Variants in DIS3L2 observed in about 807,000 individuals in gnomAD.
The protein encoded by DIS3L2 is DIS3-like exonuclease 2.
A neutral mutation model predicts 97.5 loss-of-function variants in DIS3L2; 34 were observed. The observed-to-expected ratio is 0.35, with a 90% CI of 0.27 to 0.46. The LOEUF is 0.46. Among genes scored for constraint, DIS3L2 ranks in the 20% least tolerant of loss-of-function variants. DIS3L2 has a pLI of 1.00. For missense variants in DIS3L2, 1,038 were observed against 1,146.0 expected (o/e 0.91, Z 1.36); for synonymous variants, 435 against 445.2 (o/e 0.98, Z 0.29).
rs577103610 is a variant in DIS3L2 at position 232,342,813 on chromosome 2, G to T, written c.1582-532G>T. ...GGGCTGGGGCCCCTGGGAGCCCAGG[G>T]TGAGGGGCCAGTCCCTGGGCAGCTC... On this transcript the variant is annotated intron_variant, in intron 13 of 13. Coordinates refer to the DIS3L2 transcript ENST00000273009. Among the ~76,000 whole-genome samples the T allele has an allele frequency of 2.0e-5, 3 of 152,340 alleles. No homozygotes were observed. The South Asian group carries it at 6.2e-4, about 32-fold the overall frequency.
chr2:232,085,579 A>G (rs1232848747), intron 5 of DIS3L2, among the ~76,000 whole-genome samples: 3 of 152,242 alleles, frequency 2.0e-5, no homozygotes, highest in African/African-American at 7.2e-5. Flanking sequence ...TTTATCATAT[A>G]GAAATAGATT....
At chr2:232,064,862 G>A (rs1169983473) in intron 5 of DIS3L2, among the ~76,000 whole-genome samples, 1 of 152,156 alleles carries the variant, frequency 6.6e-6, no homozygotes, top group African/African-American at 2.4e-5. Flanking sequence ...GTCTGTGTAA[G>A]TCTTTTATAC....
chr2:232,064,305 A>G (rs185273134), intron 5 of DIS3L2, among the ~76,000 whole-genome samples: 2 of 152,278 alleles, frequency 1.3e-5, no homozygotes, highest in East Asian at 1.9e-4. Context: ...CCAGAATGTC[A>G]TATAAATGGA....
At chr2:232,260,810 G>T (rs1460593300) in intron 12 of DIS3L2, 1 of 152,210 alleles carries the variant, frequency 6.6e-6, no homozygotes, top group Non-Finnish European at 1.5e-5. Context: ...GGCAGAAGCT[G>T]TATTCCCTGG....
At chr2:232,308,492 C>T (rs1695041307) in intron 14 of DIS3L2, among the ~76,000 whole-genome samples, 1 of 152,236 alleles carries the variant, frequency 6.6e-6, no homozygotes, top group African/African-American at 2.4e-5. Context: ...CTACTGGACT[C>T]ATTTTGGGAC....
At chr2:232,286,937 G>A (rs1357724585) in intron 13 of DIS3L2, among the ~76,000 whole-genome samples, 5 of 151,926 alleles carry the variant, frequency 3.3e-5, no homozygotes, top group African/African-American at 9.7e-5. Flanking sequence ...GAGCCACCGC[G>A]CCTGGCCTGT....
intron 13 of DIS3L2, among the ~76,000 whole-genome samples, chr2:232,297,103 G>A (rs1694742953): frequency 6.6e-6 from 1 of 152,104 alleles, no homozygotes; most frequent in African/African-American, 2.4e-5. Flanking sequence ...TGTCTCCAAC[G>A]CCACTGCACC....
At chr2:232,147,960 TCCTCCCCTCC>T (rs1213163659) in intron 8 of DIS3L2, among the ~76,000 whole-genome samples, 106 of 68,110 alleles carry the variant, frequency 1.6e-3, no homozygotes, top group Non-Finnish European at 2.6e-3. Flanking sequence ...CCCCTCCCTT[TCCTCCCCTCC>T]CCTCCCCTCC....
intron 9 of DIS3L2, among the ~76,000 whole-genome samples, chr2:232,174,414 C>G (rs182911258): frequency 6.6e-6 from 1 of 151,572 alleles, no homozygotes; most frequent in Non-Finnish European, 1.5e-5. Flanking sequence ...AGTGAAACCC[C>G]GTCTCTATTA....
chr2:232,184,783 T>G (rs1176904094), intron 9 of DIS3L2, among the ~76,000 whole-genome samples: 1 of 152,236 alleles, frequency 6.6e-6, no homozygotes, highest in African/African-American at 2.4e-5. Flanking sequence ...TCAACTCTGT[T>G]GATAATAGGA....
intron 9 of DIS3L2, among the ~76,000 whole-genome samples, chr2:232,183,927 T>G (rs779774512): frequency 1.3e-5 from 2 of 152,188 alleles, no homozygotes; most frequent in Non-Finnish European, 2.9e-5. Context: ...CTCCAGTGAC[T>G]GCTAGGCCAC....
Position 232,280,220 on chromosome 2 carries a change from T to G in DIS3L2, c.1659+16780T>G, listed in dbSNP as rs74329843. Among the ~76,000 whole-genome samples the G allele has an allele frequency of 3.1e-3, 468 of 152,326 alleles. 1 individual carries two copies. Among genetic ancestry groups the G allele is most frequent in the African/African-American group, 0.011 (442 of 41,568 alleles). On this transcript the variant is annotated intron_variant, in intron 13 of 20. Coordinates refer to ENST00000325385, the MANE Select transcript of DIS3L2 (RefSeq NM_152383.5). ...AGAAGATTTGGGATGGAGTTGGTCC[T>G]AGGAGCCTTGCCAGGCATGATGCTC...
intron 9 of DIS3L2, among the ~76,000 whole-genome samples, chr2:232,203,166 A>C (rs1691942923): frequency 1.3e-5 from 2 of 152,172 alleles, no homozygotes; most frequent in African/African-American, 4.8e-5. Flanking sequence ...GTTGGACTGA[A>C]AGTTTTATTC....
chr2:232,001,033 T>C (rs2106203300), intron 1 of DIS3L2, among the ~76,000 whole-genome samples: 1 of 152,296 alleles, frequency 6.6e-6, no homozygotes, highest in East Asian at 1.9e-4. Flanking sequence ...CAAATGTCTT[T>C]TTGATGTACT....
At chr2:232,081,214 A>C (rs1390302377) in intron 5 of DIS3L2, among the ~76,000 whole-genome samples, 3 of 152,152 alleles carry the variant, frequency 2.0e-5, no homozygotes, top group Non-Finnish European at 2.9e-5. Flanking sequence ...GTGAATCAGG[A>C]AGCACTTTGG....
chr2:232,005,666 A>G (rs1179168284), intron 1 of DIS3L2, among the ~76,000 whole-genome samples: 2 of 152,186 alleles, frequency 1.3e-5, no homozygotes, highest in African/African-American at 2.4e-5. Context: ...TTTACCCTGC[A>G]GAATCTATAG....
intron 16 of DIS3L2, among the ~76,000 whole-genome samples, chr2:232,333,456 G>A (rs769082907): frequency 3.3e-5 from 5 of 152,166 alleles, no homozygotes; most frequent in Non-Finnish European, 7.4e-5. Context: ...GCAGGGACTG[G>A]ACTTCGGAGG....
At chr2:232,047,038 G>T (rs558054778) in intron 5 of DIS3L2, among the ~76,000 whole-genome samples, 1 of 152,036 alleles carries the variant, frequency 6.6e-6, no homozygotes, top group Admixed American at 6.5e-5. Context: ...TTCTGGAAGG[G>T]GATTACCTGT....
intron 11 of DIS3L2, among the ~76,000 whole-genome samples, chr2:232,248,232 C>T (rs1381063764): frequency 1.3e-5 from 2 of 152,186 alleles, no homozygotes; most frequent in African/African-American, 4.8e-5. Context: ...ACAGCATGGC[C>T]ACCCTTTGCC....
Sources: gnomAD v4.1 joint callset for allele counts (sites outside exome capture counted in the v4.1 genomes callset) on GRCh38, gnomAD v4.1.1 for gene constraint, MANE v1.5 for transcripts, NCBI Gene and HGNC (gene_info 2026-07-23, HGNC 2026-07-21) for gene names.